TRMT11: variants seen among roughly 807,000 people sequenced by gnomAD.
TRMT11 encodes the protein tRNA methyltransferase 11.
A neutral mutation model predicts 62.8 loss-of-function variants in TRMT11; 53 were observed. The observed-to-expected ratio is 0.84, with a 90% confidence interval of 0.68 to 1.06. The LOEUF is 1.06. Ranked by LOEUF, TRMT11 falls within the 50% of genes least tolerant of loss-of-function variation. TRMT11 has a pLI of 0.00. For missense variants in TRMT11, 556 were observed against 553.4 expected (o/e 1.00, Z -0.05); for synonymous variants, 188 against 190.3 (o/e 0.99, Z 0.10).
chr6:126,255,388 G>T, the TRMT11 span, among the ~76,000 whole-genome samples: 1 of 152,022 alleles, frequency 6.6e-6, no homozygotes, highest in African/African-American at 2.4e-5. Flanking sequence ...AGACCATCTG[G>T]CAGGAAATAT....
chr6:126,086,033 G>A (rs1342767523), intron 17 of TRMT11, among the ~76,000 whole-genome samples: 5 of 152,104 alleles, frequency 3.3e-5, no homozygotes, highest in Non-Finnish European at 7.4e-5. Context: ...ATGAGAAGTG[G>A]TATCAGAGGT....
At chr6:126,193,651 C>A (rs1434045666) in intron 1 of TRMT11, among the ~76,000 whole-genome samples, 1 of 151,630 alleles carries the variant, frequency 6.6e-6, no homozygotes, top group Non-Finnish European at 1.5e-5. Flanking sequence ...CGCCACCACG[C>A]CTGGCTAATT....
intron 1 of TRMT11, among the ~76,000 whole-genome samples, chr6:125,988,326 A>T (rs1790010054): frequency 6.6e-6 from 1 of 152,236 alleles, no homozygotes; most frequent in African/African-American, 2.4e-5. Flanking sequence ...GAGATAGGAT[A>T]GACTGAGTGT....
At chr6:126,013,419 G>A (rs1794557265) in intron 11 of TRMT11, among the ~76,000 whole-genome samples, 2 of 152,062 alleles carry the variant, frequency 1.3e-5, no homozygotes, top group East Asian at 1.9e-4. Flanking sequence ...ACCATGCTCA[G>A]CTATTTTTTA....
At chr6:126,080,632 G>A (rs1186334824) in intron 17 of TRMT11, among the ~76,000 whole-genome samples, 2 of 152,100 alleles carry the variant, frequency 1.3e-5, no homozygotes, top group African/African-American at 4.8e-5. Flanking sequence ...TGTGCACTGT[G>A]GAAAAGGAAA....
At chr6:126,216,594 A>C in the TRMT11 span, among the ~76,000 whole-genome samples, 2 of 152,176 alleles carry the variant, frequency 1.3e-5, no homozygotes, top group Non-Finnish European at 2.9e-5. Context: ...GTTTCCACTG[A>C]AAGTCTGCTG....
At chr6:126,131,169 A>T (rs1277790928) in intron 21 of TRMT11, among the ~76,000 whole-genome samples, 1 of 152,116 alleles carries the variant, frequency 6.6e-6, no homozygotes, top group East Asian at 1.9e-4. Context: ...AAGGATAATA[A>T]TAGCTTTCAT....
At chr6:126,121,590 A>G (rs1777650043) in intron 21 of TRMT11, among the ~76,000 whole-genome samples, 1 of 152,060 alleles carries the variant, frequency 6.6e-6, no homozygotes, top group African/African-American at 2.4e-5. Flanking sequence ...TAGTTTCCTT[A>G]CTTTCAAAAT....
At chr6:126,163,144 A>G (rs1778215867) in intron 21 of TRMT11, among the ~76,000 whole-genome samples, 1 of 152,196 alleles carries the variant, frequency 6.6e-6, no homozygotes, top group South Asian at 2.1e-4. Context: ...GCTGGTTTTC[A>G]AAAGGAATGC....
chr6:126,258,583 T>C, the TRMT11 span, among the ~76,000 whole-genome samples: 1 of 152,238 alleles, frequency 6.6e-6, no homozygotes, highest in Non-Finnish European at 1.5e-5. Context: ...TCAGATTTTC[T>C]ATTTTTTTGA....
intron 17 of TRMT11, among the ~76,000 whole-genome samples, chr6:126,070,932 C>A (rs573936257): frequency 6.6e-6 from 1 of 152,158 alleles, no homozygotes; most frequent in Non-Finnish European, 1.5e-5. Flanking sequence ...CTACGCCATT[C>A]GCTGTGCCTG....
the TRMT11 span, among the ~76,000 whole-genome samples, chr6:126,236,470 A>G: frequency 6.6e-6 from 1 of 152,110 alleles, no homozygotes; most frequent in Non-Finnish European, 1.5e-5. Flanking sequence ...TTACCTCTTC[A>G]TGTCTATCTT....
chr6:126,196,053 C>T lies in TRMT11; in HGVS notation n.144-2746C>T, dbSNP rs1778662894. ...TCATTAGGTTGCTGAATTAACCAAC[C>T]TTAGAACTGTTTATCTCTGCTCATA... On this transcript the variant is annotated intron_variant and non_coding_transcript_variant, in intron 1 of 3. Transcript: ENST00000444229. Among the ~76,000 whole-genome samples the T allele has an allele frequency of 2.0e-5, 3 of 152,124 alleles. No homozygotes were observed. In the South Asian group the frequency reaches 6.2e-4, roughly 32 times the overall value.
intron 21 of TRMT11, among the ~76,000 whole-genome samples, chr6:126,143,855 G>A (rs1298452334): frequency 6.6e-6 from 1 of 152,140 alleles, no homozygotes; most frequent in Non-Finnish European, 1.5e-5. Context: ...CTTGGAGTTA[G>A]TGTCTGGGCT....
Position 125,998,999 on chromosome 6 carries a change from C to CAGG in TRMT11, c.522+317_522+318insGAG, listed in dbSNP as rs201539538. Among the ~76,000 whole-genome samples the CAGG allele has an allele frequency of 6.7e-5, 10 of 149,228 alleles. No individual in the cohort carries two copies. In the East Asian group the frequency reaches 1.8e-3, roughly 26 times the overall value. ...TTTTTTTTATAAAGCAGAGAAAACA[C>CAGG]AGAGTGCTGTGGTAGTTGAGGAATC... On this transcript the variant is annotated intron_variant, in intron 6 of 12. Transcript: ENST00000334379.
chr6:126,148,090 A>C (rs1205075474), intron 21 of TRMT11, among the ~76,000 whole-genome samples: 1 of 152,208 alleles, frequency 6.6e-6, no homozygotes. Context: ...TCTATATAAA[A>C]TTTAGAAAGA....
chr6:126,070,650 T>G (rs1238515455), intron 17 of TRMT11, among the ~76,000 whole-genome samples: 1 of 152,198 alleles, frequency 6.6e-6, no homozygotes, highest in Non-Finnish European at 1.5e-5. Context: ...TCCAGAAATG[T>G]ACATCTAGTT....
the TRMT11 span, among the ~76,000 whole-genome samples, chr6:126,242,879 G>A: frequency 6.6e-6 from 1 of 152,116 alleles, no homozygotes; most frequent in Admixed American, 6.5e-5. Flanking sequence ...CATGGGCAAG[G>A]ACTTCATGTC....
chr6:126,159,521 A>G (rs545504383), intron 21 of TRMT11, among the ~76,000 whole-genome samples: 38 of 152,342 alleles, frequency 2.5e-4, no homozygotes, highest in Non-Finnish European at 5.1e-4. Context: ...TGATCACTAC[A>G]TAGAGGAAAG....
Sources: allele counts gnomAD v4.1 joint callset (sites outside exome capture counted in the v4.1 genomes callset), GRCh38; gene constraint gnomAD v4.1.1; transcripts MANE v1.5; gene names NCBI Gene and HGNC (gene_info 2026-07-23, HGNC 2026-07-21).